TSHZ1: variants seen among roughly 807,000 people sequenced by gnomAD.
The protein encoded by TSHZ1 is teashirt zinc finger homeobox 1, also known as teashirt homolog 1.
TSHZ1 carries 12 observed loss-of-function variants against 67.1 expected under a neutral mutation model. The observed-to-expected ratio is 0.18, with a 90% CI of 0.11 to 0.29. TSHZ1 has a LOEUF of 0.29. Among genes scored for constraint, TSHZ1 ranks in the 10% least tolerant of loss-of-function variants. The pLI, the probability that TSHZ1 is intolerant of heterozygous loss-of-function variation, is 1.00. For missense variants in TSHZ1, 1,305 were observed against 1,413.9 expected (o/e 0.92, Z 1.23); for synonymous variants, 632 against 622.4 (o/e 1.02, Z -0.23).
At chr18:75,214,123 G>A (rs2639993) in intron 1 of TSHZ1, among the ~76,000 whole-genome samples, 34,510 of 152,124 alleles carry the variant, frequency 0.23, 6,214 homozygotes, top group African/African-American at 0.5. Flanking sequence ...GTGTTCATTA[G>A]ATGAGCCATT....
At chr18:75,246,617 C>T (rs182241101) in intron 1 of TSHZ1, among the ~76,000 whole-genome samples, 7 of 151,966 alleles carry the variant, frequency 4.6e-5, no homozygotes, top group Admixed American at 1.3e-4. Flanking sequence ...AATACTAAGC[C>T]GTGGAGATCA....
At chr18:75,258,246 G>A (rs62089819) in intron 1 of TSHZ1, among the ~76,000 whole-genome samples, 20,191 of 152,186 alleles carry the variant, frequency 0.13, 1,660 homozygotes, top group East Asian at 0.31. Flanking sequence ...CACTGTCAGG[G>A]TGCTCTCTGC....
At chr18:75,215,541 C>T (rs1171746446) in intron 1 of TSHZ1, among the ~76,000 whole-genome samples, 2 of 152,174 alleles carry the variant, frequency 1.3e-5, no homozygotes, top group Admixed American at 1.3e-4. Flanking sequence ...AGATTCAACA[C>T]CCCAGTTGTA....
chr18:75,286,571 G>A lies in TSHZ1; in HGVS notation c.1164G>A (p.Pro388=), dbSNP rs34095753. Reference sequence around the variant, plus strand: ...CCAAGGATCAGAAAGCAGCGAACCCGTACGTCACGCCCAATAACCGCTATG... The same window carrying A: ...CCAAGGATCAGAAAGCAGCGAACCCATACGTCACGCCCAATAACCGCTATG... ...ESAKDQKAAN[P]YVTPNNRYGY... Residue 388 remains proline (P), a synonymous_variant, in exon 2 of 2, where the codon CCG becomes CCA. Coordinates refer to ENST00000580243, the MANE Select transcript of TSHZ1 (RefSeq NM_001308210.2). This position sits in a 1 kb window ranked among gnomAD's most constrained non-coding sequence, Gnocchi z 5.1. 104,297 of 1,614,176 alleles carry A rather than the reference G, an allele frequency of 0.065. 3,803 individuals carry two copies. Among genetic ancestry groups the A allele is most frequent in the Non-Finnish European group, 0.072 (84,627 of 1,180,036 alleles).
chr18:75,216,574 C>G (rs1330093212), intron 1 of TSHZ1, among the ~76,000 whole-genome samples: 1 of 152,230 alleles, frequency 6.6e-6, no homozygotes, highest in Non-Finnish European at 1.5e-5. Flanking sequence ...TAAGACTTAT[C>G]ATACCCTTGG....
rs2023809391 is a variant in TSHZ1 at position 75,288,161 on chromosome 18, G to A, written c.2754G>A (p.Met918Ile). ...AGACCACAGAGGGCAAGTACATCAT[G>A]TCGGACTTGGGCCCGCAGGAGAGGG... ...LRETTEGKYI[M>I]SDLGPQERVH... The change falls in exon 2 of 2, where the codon ATG (methionine) becomes ATA (isoleucine). Residue 918 changes from methionine to isoleucine, a missense_variant. Coordinates refer to ENST00000580243, the MANE Select transcript of TSHZ1 (RefSeq NM_001308210.2). The surrounding 1 kb of genome is among the most constrained non-coding windows in gnomAD (Gnocchi z 4.9). 3 of 1,614,044 alleles carry A rather than the reference G, an allele frequency of 1.9e-6. No individual in the cohort carries two copies. Among genetic ancestry groups the A allele is most frequent in the Non-Finnish European group, 1.7e-6 (2 of 1,180,056 alleles).
At chr18:75,259,438 G>A (rs141871842) in intron 1 of TSHZ1, among the ~76,000 whole-genome samples, 1 of 152,252 alleles carries the variant, frequency 6.6e-6, no homozygotes, top group East Asian at 1.9e-4. Context: ...ATGAAATCTT[G>A]TACAGTCCTA....
intron 1 of TSHZ1, among the ~76,000 whole-genome samples, chr18:75,263,471 T>A (rs1023744744): frequency 6.6e-6 from 1 of 152,220 alleles, no homozygotes; most frequent in Non-Finnish European, 1.5e-5. Context: ...ATTTTATAAA[T>A]CCCTTTTCTT....
rs1238285390 is a variant in TSHZ1 at position 75,288,909 on chromosome 18, A to C, written c.*268A>C. 1.9e-5 allele frequency: 7 copies of C among 359,470 alleles called. No homozygotes were observed. Among genetic ancestry groups the C allele is most frequent in the Non-Finnish European group, 3.6e-5 (7 of 195,000 alleles). 22.3% of individuals were successfully genotyped at this position (359,470 alleles called of 1,614,324 possible). ...TCTTTTGTAGGAAATAGTGGGGCAC[A>C]CTACTCAGAGACATTATTTAGCAGT... On this transcript the variant is annotated 3_prime_UTR_variant, in exon 2 of 2. Transcript: ENST00000580243. This position sits in a 1 kb window ranked among gnomAD's most constrained non-coding sequence, Gnocchi z 4.9.
chr18:75,285,382 G>T (rs915897962), intron 1 of TSHZ1, 66 bp from the exon 2 acceptor site: 1 of 1,413,532 alleles, frequency 7.1e-7, no homozygotes, highest in Non-Finnish European at 9.2e-7. Context: ...TCATCTAACT[G>T]CTGGGGAGGC....
chr18:75,240,460 T>A (rs143048787), intron 1 of TSHZ1, among the ~76,000 whole-genome samples: 1,993 of 152,112 alleles, frequency 0.013, 17 homozygotes, highest in South Asian at 0.022. Flanking sequence ...GGCCTGTGAG[T>A]ACCCAAAGAG....
chr18:75,218,913 T>C (rs2122515501), intron 1 of TSHZ1, among the ~76,000 whole-genome samples: 1 of 147,368 alleles, frequency 6.8e-6, no homozygotes, highest in Non-Finnish European at 1.5e-5. Flanking sequence ...GAAAGAATGG[T>C]GAACATGTAT....
intron 1 of TSHZ1, among the ~76,000 whole-genome samples, chr18:75,266,904 A>G (rs1250273580): frequency 6.6e-6 from 1 of 152,246 alleles, no homozygotes; most frequent in Non-Finnish European, 1.5e-5. Flanking sequence ...GCACTGTATT[A>G]TGCACCAAAA....
intron 1 of TSHZ1, among the ~76,000 whole-genome samples, chr18:75,222,546 G>A (rs970702762): frequency 3.3e-5 from 5 of 152,046 alleles, no homozygotes; most frequent in South Asian, 4.2e-4. Flanking sequence ...GGGATGGTCC[G>A]GGGCTTGAGC....
chr18:75,233,473 A>C (rs1377890181), intron 1 of TSHZ1, among the ~76,000 whole-genome samples: 1 of 152,254 alleles, frequency 6.6e-6, no homozygotes, highest in East Asian at 1.9e-4. Flanking sequence ...TTTAAGAAAT[A>C]TAAGAAGATG....
At chr18:75,280,827 G>A (rs994181060) in intron 1 of TSHZ1, 4 of 985,316 alleles carry the variant, frequency 4.1e-6, no homozygotes, top group African/African-American at 1.7e-5. Context: ...AACAGCTCCA[G>A]ATTCTTCCAG....
chr18:75,267,961 G>C (rs1255962073), intron 1 of TSHZ1, among the ~76,000 whole-genome samples: 6 of 152,116 alleles, frequency 3.9e-5, no homozygotes, highest in African/African-American at 1.4e-4. Context: ...GTTCGAAGGG[G>C]GTTATTAACA....
At chr18:75,223,143 C>T (rs2022871207) in intron 1 of TSHZ1, among the ~76,000 whole-genome samples, 1 of 152,132 alleles carries the variant, frequency 6.6e-6, no homozygotes, top group African/African-American at 2.4e-5. Flanking sequence ...CTTGGGAATT[C>T]ACGGCACTCA....
rs760906345 is a variant in TSHZ1 at position 75,287,763 on chromosome 18, G to T, written c.2356G>T (p.Val786Leu). 2 of 1,614,192 alleles carry T rather than the reference G, an allele frequency of 1.2e-6. No individual in the cohort carries two copies. The highest frequency in any genetic ancestry group is 8.5e-7 in the Non-Finnish European group (1 of 1,180,050). ...KISNSMLDKP[V>L]YPATPVKQAD... ...CAGCAACAGCATGCTGGACAAGCCGGTGTACCCCGCCACCCCTGTGAAGCA... is the reference window on the plus strand; with the variant it reads ...CAGCAACAGCATGCTGGACAAGCCGTTGTACCCCGCCACCCCTGTGAAGCA... Residue 786 changes from valine (V) to leucine (L), a missense_variant, in exon 2 of 2, where the codon GTG becomes TTG. Physicochemically the swap from Val to Leu is conservative, Grantham distance 32. Transcript: ENST00000580243. The surrounding 1 kb of genome is among the most constrained non-coding windows in gnomAD (Gnocchi z 5.0).
Sources: allele counts gnomAD v4.1 joint callset (sites outside exome capture counted in the v4.1 genomes callset), GRCh38; gene constraint gnomAD v4.1.1; non-coding constraint Gnocchi (gnomAD v3.1); transcripts MANE v1.5; gene names NCBI Gene and HGNC (gene_info 2026-07-23, HGNC 2026-07-21).